Variants in PRAMEF1 observed in about 807,000 individuals in gnomAD.
The protein encoded by PRAMEF1 is PRAME family member 1.
A neutral mutation model predicts 38.2 loss-of-function variants in PRAMEF1; 21 were observed. The ratio of observed to expected loss-of-function variants is 0.55; its 90% CI spans 0.39 to 0.79. PRAMEF1 has a LOEUF of 0.79. Among genes scored for constraint, PRAMEF1 ranks in the 30% least tolerant of loss-of-function variants. The pLI is 0.00. For missense variants in PRAMEF1, 497 were observed against 565.8 expected (o/e 0.88, Z 1.23); for synonymous variants, 200 against 229.0 (o/e 0.87, Z 1.14).
chr1:12,792,884 T>A (rs1639318103), intron 1 of PRAMEF1, among the ~76,000 whole-genome samples: 1 of 150,872 alleles, frequency 6.6e-6, no homozygotes, highest in Non-Finnish European at 1.5e-5. Flanking sequence ...GTCCCTTTAG[T>A]GTTCCCCCAG....
At position 12,795,521 on chromosome 1, in the gene PRAMEF1, C is replaced by G. The variant is rs371707578; in HGVS notation, c.950C>G (p.Pro317Arg). The change falls in exon 4 of 4, where the codon CCA becomes CGA. Residue 317 changes from proline to arginine, a missense_variant. Pro to Arg is a moderately radical substitution (Grantham distance 103). Around this residue, in one of 2 missense-constraint regions of PRAMEF1, gnomAD observed 470 missense variants for 501.9 expected, o/e 0.94. Coordinates refer to ENST00000332296, the MANE Select transcript of PRAMEF1 (RefSeq NM_023013.4). ...GACATGAAGTGTCTCTCCCAGTACC[C>G]AAGCCTCGGTTACCTAAAGCATCTG... Reference protein sequence around the residue: ...EEDMKCLSQYPSLGYLKHLNL... With the variant: ...EEDMKCLSQYRSLGYLKHLNL... The G allele has an allele frequency of 3.1e-6, 5 of 1,612,376 alleles. 1 individual carries two copies. In the African/African-American group the frequency reaches 4.0e-5, roughly 13 times the overall value.
chr1:12,794,174 A>C lies in PRAMEF1; in HGVS notation c.547A>C (p.Ser183Arg), dbSNP rs1359499471. The change falls in exon 3 of 4, where the codon AGT (serine) becomes CGT (arginine). Residue 183 changes from serine (S) to arginine (R), a missense_variant. Coordinates refer to ENST00000332296, the MANE Select transcript of PRAMEF1 (RefSeq NM_023013.4). ...GAGAGGTTTAGTACACCTGTGCTGTAGTAAGCTGGTCAATTATCTAACGCC... is the reference window on the plus strand; with the variant it reads ...GAGAGGTTTAGTACACCTGTGCTGTCGTAAGCTGGTCAATTATCTAACGCC... ...QRRGLVHLCC[S>R]KLVNYLTPIK... The C allele has an allele frequency of 6.2e-7, 1 of 1,602,988 alleles. No individual in the cohort carries two copies. Among genetic ancestry groups the C allele is most frequent in the Admixed American group, 1.7e-5 (1 of 59,032 alleles).
At position 12,794,485 on chromosome 1, in the gene PRAMEF1, G is replaced by C. The variant is rs1367510444; in HGVS notation, c.858G>C (p.Gln286His). ...CCTTCTTCAGTGGGCACCTGGAACA[G>C]CTGATCAGGTGAGAAAGGATCATGC... ...LITFFSGHLE[Q>H]LIRCLQNPLE... The change falls in exon 3 of 4, where the codon CAG (glutamine) becomes CAC (histidine). Residue 286 changes from glutamine (Q) to histidine (H), a missense_variant. Around this residue, in one of 2 missense-constraint regions of PRAMEF1, gnomAD observed 470 missense variants for 501.9 expected, o/e 0.94. Coordinates refer to ENST00000332296, the MANE Select transcript of PRAMEF1 (RefSeq NM_023013.4). 4 of 1,610,076 alleles carry C rather than the reference G, an allele frequency of 2.5e-6. No individual in the cohort carries two copies. The highest frequency in any genetic ancestry group is 2.2e-5 in the East Asian group (1 of 44,448).
intron 1 of PRAMEF1, among the ~76,000 whole-genome samples, chr1:12,792,713 G>C (rs2359495): frequency 1.3e-5 from 2 of 151,172 alleles, no homozygotes; most frequent in East Asian, 2.0e-4. Flanking sequence ...GTAGAGACAT[G>C]GTTTCATTAT....
In PRAMEF1 at chr1:12,794,365, G is replaced by T. The variant is rs762971989; in HGVS notation, c.738G>T (p.Thr246=). The change falls in exon 3 of 4, where the codon ACG becomes ACT. Residue 246 remains threonine, a synonymous_variant. Coordinates refer to ENST00000332296, the MANE Select transcript of PRAMEF1 (RefSeq NM_023013.4). The stretch of plus-strand genomic sequence containing the variant: ...TTTTCTCCAGGTGCCATCATTACAC[G>T]TCAGATAATGAACTCGAAGGACGGT... ...KLVFSRCHHY[T]SDNELEGRLV... The T allele has an allele frequency of 1.2e-6, 2 of 1,612,104 alleles. No individual in the cohort carries two copies. Among genetic ancestry groups the T allele is most frequent in the South Asian group, 1.1e-5 (1 of 90,824 alleles).
intron 2 of PRAMEF1, 95 bp from the exon 3 acceptor site, chr1:12,793,820 A>C (rs1639338460): frequency 1.2e-5 from 17 of 1,427,530 alleles, no homozygotes; most frequent in Non-Finnish European, 1.6e-5. Context: ...GGGAGCACTG[A>C]GGACAGGAGC....
At chr1:12,792,399 GT>G (rs1374141598) in intron 1 of PRAMEF1, among the ~76,000 whole-genome samples, 1 of 151,008 alleles carries the variant, frequency 6.6e-6, no homozygotes, top group Non-Finnish European at 1.5e-5. Context: ...AGTGAATTTT[GT>G]TTTTTTCTGT....
intron 2 of PRAMEF1, 100 bp from the exon 3 acceptor site, chr1:12,793,815 C>G (rs1639338402): frequency 2.1e-6 from 3 of 1,413,454 alleles, no homozygotes; most frequent in African/African-American, 2.8e-5. Flanking sequence ...GAACAGGGAG[C>G]ACTGAGGACA....
At position 12,793,269 on chromosome 1, in the gene PRAMEF1, G is replaced by T. The variant is rs201244464; in HGVS notation, c.42G>T (p.Gly14=). Residue 14 remains glycine (G), a synonymous_variant, in exon 2 of 4, where the codon GGG becomes GGT. Transcript: ENST00000332296. ...CACCCAGACTACTGGAGCTGGCAGGGCAGAGCCTGCTGAGAGACCAGGCCT... is the reference window on the plus strand; with the variant it reads ...CACCCAGACTACTGGAGCTGGCAGGTCAGAGCCTGCTGAGAGACCAGGCCT... ...QAPPRLLELA[G]QSLLRDQALS... is the part of the protein sequence containing the mutation. 3 of 1,607,480 alleles carry T rather than the reference G, an allele frequency of 1.9e-6. No homozygotes were observed. The highest frequency in any genetic ancestry group is 2.5e-6 in the Non-Finnish European group (3 of 1,177,424).
intron 1 of PRAMEF1, among the ~76,000 whole-genome samples, chr1:12,791,748 A>G (rs1352413487): frequency 1.3e-5 from 2 of 151,418 alleles, no homozygotes; most frequent in Non-Finnish European, 2.9e-5. Context: ...ATTTCTTGAC[A>G]TTTGAAGTTA....
rs776147169 is a variant in PRAMEF1 at position 12,794,498 on chromosome 1, G to A, written c.866+5G>A. Reference sequence around the variant, plus strand: ...GCACCTGGAACAGCTGATCAGGTGAGAAAGGATCATGCACTTTGTATGCAG... The same window carrying A: ...GCACCTGGAACAGCTGATCAGGTGAAAAAGGATCATGCACTTTGTATGCAG... On this transcript the variant is annotated splice_donor_5th_base_variant and intron_variant, in intron 3 of 3. Transcript: ENST00000332296. 2.5e-6 allele frequency: 4 copies of A among 1,610,058 alleles called. No homozygotes were observed. Among genetic ancestry groups the A allele is most frequent in the South Asian group, 2.2e-5 (2 of 90,530 alleles).
chr1:12,796,243 G>A lies in PRAMEF1; in HGVS notation c.*247G>A. On this transcript the variant is annotated 3_prime_UTR_variant, in exon 4 of 4. Coordinates refer to ENST00000332296, the MANE Select transcript of PRAMEF1 (RefSeq NM_023013.4). Reference sequence around the variant, plus strand: ...CCTAAAGTGCTGGGATTACTGGCATGAGTGACTGTGTCCAGGCCACATGCA... The same window carrying A: ...CCTAAAGTGCTGGGATTACTGGCATAAGTGACTGTGTCCAGGCCACATGCA... 2 of 602,368 alleles carry A rather than the reference G, an allele frequency of 3.3e-6. No individual in the cohort carries two copies. The highest frequency in any genetic ancestry group is 4.7e-4 in the Middle Eastern group (1 of 2,140). 37.3% of individuals were successfully genotyped at this position (602,368 alleles called of 1,614,324 possible). A position where few individuals can be genotyped will look rare whatever the true frequency, so the allele number is the denominator to read the frequency against.
At position 12,793,420 on chromosome 1, in the gene PRAMEF1, C is replaced by T. The variant is rs138008515; in HGVS notation, c.193C>T (p.Pro65Ser). 5.0e-6 allele frequency: 8 copies of T among 1,610,068 alleles called. No individual in the cohort carries two copies. The highest frequency in any genetic ancestry group is 1.3e-5 in the African/African-American group (1 of 74,794). ...MVQAWPFTCL[P>S]LGSLMKTLHL... ...TCAGGCCTGGCCCTTCACCTGCCTC[C>T]CTCTGGGATCACTGATGAAGACGCT... Residue 65 changes from proline (P) to serine (S), a missense_variant, in exon 2 of 4, where the codon CCT becomes TCT. Physicochemically the swap from Pro to Ser is moderately conservative, Grantham distance 74. Transcript: ENST00000332296.
At position 12,796,379 on chromosome 1, in the gene PRAMEF1, T is replaced by C; in HGVS notation, c.*383T>C. ...CATCAGTGAGAACTTCAGGGACCCGTGTCCTAGAGTCGGAAAGAGAAGCTA... is the reference window on the plus strand; with the variant it reads ...CATCAGTGAGAACTTCAGGGACCCGCGTCCTAGAGTCGGAAAGAGAAGCTA... On this transcript the variant is annotated 3_prime_UTR_variant, in exon 4 of 4. Coordinates refer to ENST00000332296, the MANE Select transcript of PRAMEF1 (RefSeq NM_023013.4). 1 of 261,198 alleles carries C rather than the reference T, an allele frequency of 3.8e-6. No homozygotes were observed. The highest frequency in any genetic ancestry group is 7.2e-6 in the Non-Finnish European group (1 of 138,380). 16.2% of individuals were successfully genotyped at this position (261,198 alleles called of 1,614,324 possible).
At chr1:12,795,111 C>T in intron 3 of PRAMEF1, 2 of 963,828 alleles carry the variant, frequency 2.1e-6, no homozygotes, top group Non-Finnish European at 2.9e-6. Flanking sequence ...TGTCCCTAGA[C>T]CTTGCTCAGT....
In PRAMEF1 at chr1:12,793,461, A is replaced by G. The variant is rs1440499777; in HGVS notation, c.234A>G (p.Leu78=). The change falls in exon 2 of 4, where the codon TTA becomes TTG. Residue 78 remains leucine (L), a synonymous_variant. Coordinates refer to ENST00000332296, the MANE Select transcript of PRAMEF1 (RefSeq NM_023013.4). ...SLMKTLHLET[L]KALLEGLHML... is the part of the protein sequence containing the mutation. ...TGAAGACGCTTCATTTGGAGACCTT[A>G]AAAGCATTGCTGGAAGGGCTTCATA... 4 of 1,609,188 alleles carry G rather than the reference A, an allele frequency of 2.5e-6. 1 individual carries two copies. Among genetic ancestry groups the G allele is most frequent in the East Asian group, 2.3e-5 (1 of 44,354 alleles).
rs1162648537 is a variant in PRAMEF1, at chr1:12,794,350, G to T, written c.723G>T (p.Arg241Ser). Reference sequence around the variant, plus strand: ...ATCTTCGCAAACTCGTTTTCTCCAGGTGCCATCATTACACGTCAGATAATG... The same window carrying T: ...ATCTTCGCAAACTCGTTTTCTCCAGTTGCCATCATTACACGTCAGATAATG... ...MKNLRKLVFS[R>S]CHHYTSDNEL... Residue 241 changes from arginine to serine, a missense_variant, in exon 3 of 4, where the codon AGG becomes AGT. Arg to Ser is a moderately radical substitution (Grantham distance 110, BLOSUM62 -1). Transcript: ENST00000332296. 2.5e-6 allele frequency: 4 copies of T among 1,612,096 alleles called. No individual in the cohort carries two copies. Among genetic ancestry groups the T allele is most frequent in the East Asian group, 2.2e-5 (1 of 44,640 alleles).
At chr1:12,795,320 C>T (rs1639375959) in intron 3 of PRAMEF1, 118 bp from the exon 4 acceptor site, 1 of 777,894 alleles carries the variant, frequency 1.3e-6, no homozygotes, top group Admixed American at 2.8e-5. Flanking sequence ...CCATGAGGAC[C>T]ATCATCAGAT....
In PRAMEF1 at chr1:12,793,144, G is replaced by C. The variant is rs1639323380; in HGVS notation, c.-25-59G>C. The C allele has an allele frequency of 1.9e-6, 3 of 1,575,382 alleles. No individual in the cohort carries two copies. In the Admixed American group the frequency reaches 5.2e-5, roughly 27 times the overall value. ...GAAGACATTCTTCCTGGTACCAGTA[G>C]AAGCAGATGATTGTCTTTGCCCTGA... On this transcript the variant is annotated intron_variant, in intron 1 of 3. Coordinates refer to ENST00000332296, the MANE Select transcript of PRAMEF1 (RefSeq NM_023013.4).
Sources: allele counts gnomAD v4.1 joint callset (sites outside exome capture counted in the v4.1 genomes callset), GRCh38; gene constraint gnomAD v4.1.1; regional missense constraint gnomAD v4.1.1; transcripts MANE v1.5; gene names NCBI Gene and HGNC (gene_info 2026-07-23, HGNC 2026-07-21).